The following CCDC175 variants were observed in gnomAD, a reference collection of about 807,000 sequenced individuals.
CCDC175 encodes the protein coiled-coil domain containing 175, also known as coiled-coil domain-containing protein 175.
CCDC175 carries 100 observed loss-of-function variants against 114.6 expected under a neutral mutation model. The ratio of observed to expected loss-of-function variants is 0.87; its 90% CI spans 0.74 to 1.03. The LOEUF is 1.03. CCDC175 is among the 50% of genes least tolerant of loss of function. CCDC175 has a pLI of 0.00. For synonymous variants in CCDC175, 306 were observed against 308.7 expected (o/e 0.99, Z 0.09); for missense variants, 880 against 917.8 (o/e 0.96, Z 0.53).
chr14:59,514,582 T>C (rs560134617), intron 17 of CCDC175, among the ~76,000 whole-genome samples: 6 of 152,138 alleles, frequency 3.9e-5, no homozygotes, highest in African/African-American at 1.4e-4. Flanking sequence ...GAAGATCAAA[T>C]GAATGAAATG....
chr14:59,538,295 G>T, intron 12 of CCDC175, 141 bp from the exon 13 acceptor site: 2 of 686,350 alleles, frequency 2.9e-6, no homozygotes, highest in Non-Finnish European at 2.3e-6. Flanking sequence ...ACCACTGAGA[G>T]GAATATTTTT....
In CCDC175 at chr14:59,563,847, CA is replaced by C; in HGVS notation, c.732del (p.Phe244LeufsTer7). On this transcript the variant is annotated frameshift_variant, in exon 6 of 20. Transcript: ENST00000537690. LOFTEE classifies it high-confidence loss of function. ...KQELTAQINE[F>X]ENTREVKRME... ...ATTCTCTTTACTTCACGGGTATTTTCAAATTCATTAATCTATAGTGACAAGC... is the reference window on the plus strand; with the variant it reads ...ATTCTCTTTACTTCACGGGTATTTTCAATTCATTAATCTATAGTGACAAGC... The C allele has an allele frequency of 7.0e-7, 1 of 1,433,620 alleles. No individual in the cohort carries two copies. Among genetic ancestry groups the C allele is most frequent in the African/African-American group, 1.5e-5 (1 of 67,702 alleles). 88.8% of individuals were successfully genotyped at this position (1,433,620 alleles called of 1,614,324 possible). A position where few individuals can be genotyped will look rare whatever the true frequency, so the allele number is the denominator to read the frequency against.
intron 19 of CCDC175, among the ~76,000 whole-genome samples, chr14:59,507,068 G>A (rs1892462820): frequency 6.6e-6 from 1 of 152,104 alleles, no homozygotes; most frequent in African/African-American, 2.4e-5. Flanking sequence ...ATTTACCTTT[G>A]ATTTACAAGA....
chr14:59,540,676 A>G lies in CCDC175; in HGVS notation c.1354T>C (p.Cys452Arg). The stretch of plus-strand genomic sequence containing the variant: ...TTTTTTTTTTTTTTTTTTTTTTACC[A>G]TCTCTGACTTTCTCTTTCCAGGTTA... ...SANLERESQR[C>R]VITQWKMACL... The change falls in exon 11 of 20, where the codon TGT becomes CGT. Residue 452 changes from cysteine (C) to arginine (R), a missense_variant and splice_region_variant. Cys to Arg is a radical substitution (Grantham distance 180, BLOSUM62 -3). Coordinates refer to ENST00000537690, the MANE Select transcript of CCDC175 (RefSeq NM_001164399.2). 1 of 1,159,094 alleles carries G rather than the reference A, an allele frequency of 8.6e-7. No individual in the cohort carries two copies. Among genetic ancestry groups the G allele is most frequent in the Non-Finnish European group, 1.1e-6 (1 of 875,796 alleles). 71.8% of individuals were successfully genotyped at this position (1,159,094 alleles called of 1,614,324 possible). A position where few individuals can be genotyped will look rare whatever the true frequency, so the allele number is the denominator to read the frequency against.
chr14:59,505,958 C>T (rs917537659), intron 19 of CCDC175, among the ~76,000 whole-genome samples: 4 of 152,082 alleles, frequency 2.6e-5, no homozygotes, highest in Non-Finnish European at 2.9e-5. Context: ...GTTCAGTATC[C>T]GTAATCCTAA....
intron 10 of CCDC175, among the ~76,000 whole-genome samples, chr14:59,542,264 A>G (rs1566616313): frequency 6.6e-6 from 1 of 152,160 alleles, no homozygotes. Flanking sequence ...ACTGTCATAC[A>G]TGGTTTATTT....
chr14:59,525,563 A>C, intron 15 of CCDC175, 129 bp from the exon 16 acceptor site: 1 of 625,022 alleles, frequency 1.6e-6, no homozygotes, highest in Non-Finnish European at 2.5e-6. Context: ...GAGGATAGAT[A>C]TTCTTCCTTA....
At position 59,568,388 on chromosome 14, in the gene CCDC175, G is replaced by C; in HGVS notation, c.356-8C>G. 3 of 1,498,292 alleles carry C rather than the reference G, an allele frequency of 2.0e-6. No individual in the cohort carries two copies. Among genetic ancestry groups the C allele is most frequent in the Non-Finnish European group, 2.6e-6 (3 of 1,133,328 alleles). The allele number at this position is 1,498,292 out of a possible 1,614,324, so 92.8% of individuals were successfully genotyped here. ...GAGCGTCTCGGACACATTCTTCAAA[G>C]TAAGTGGAAATATTACTACATTATT... On this transcript the variant is annotated splice_region_variant and splice_polypyrimidine_tract_variant and intron_variant, in intron 3 of 19. Transcript: ENST00000537690.
intron 16 of CCDC175, 121 bp downstream of exon 16, chr14:59,525,161 G>T: frequency 1.4e-6 from 1 of 732,396 alleles, no homozygotes; most frequent in Non-Finnish European, 2.0e-6. Flanking sequence ...ACTTTTCTGT[G>T]TGTACTTTAT....
intron 17 of CCDC175, among the ~76,000 whole-genome samples, chr14:59,515,844 G>A (rs550071699): frequency 1.3e-5 from 2 of 152,042 alleles, no homozygotes; most frequent in Admixed American, 6.6e-5. Flanking sequence ...AATTCTCCAC[G>A]CCAAATCAAC....
In CCDC175 at chr14:59,563,842, AT is replaced by A; in HGVS notation, c.737del (p.Asn246IlefsTer5). 7.0e-7 allele frequency: 1 copy of A among 1,437,428 alleles called. No individual in the cohort carries two copies. 89.0% of individuals were successfully genotyped at this position (1,437,428 alleles called of 1,614,324 possible). A position where few individuals can be genotyped will look rare whatever the true frequency, so the allele number is the denominator to read the frequency against. On this transcript the variant is annotated frameshift_variant, in exon 6 of 20. Coordinates refer to ENST00000537690, the MANE Select transcript of CCDC175 (RefSeq NM_001164399.2). LOFTEE classifies it high-confidence loss of function. Reference protein sequence around the residue: ...ELTAQINEFENTREVKRMETY... With the variant: ...ELTAQINEFEXTREVKRMETY... ...TCTCCATTCTCTTTACTTCACGGGT[AT>A]TTTCAAATTCATTAATCTATAGTGA... is the stretch of plus-strand genomic sequence containing the variant.
chr14:59,560,865 T>C (rs1465904881), intron 7 of CCDC175, among the ~76,000 whole-genome samples: 1 of 152,170 alleles, frequency 6.6e-6, no homozygotes, highest in Non-Finnish European at 1.5e-5. Flanking sequence ...GAGAATAATA[T>C]AGACATTCCA....
At chr14:59,514,376 G>T (rs1411125545) in intron 17 of CCDC175, among the ~76,000 whole-genome samples, 2 of 152,138 alleles carry the variant, frequency 1.3e-5, no homozygotes, top group Non-Finnish European at 2.9e-5. Flanking sequence ...CAGAGCTAAA[G>T]GTGGAAGTTC....
chr14:59,565,655 C>T (rs563276036), intron 4 of CCDC175, among the ~76,000 whole-genome samples: 95 of 151,728 alleles, frequency 6.3e-4, no homozygotes, highest in African/African-American at 2.2e-3. Flanking sequence ...TGCAGTGAGC[C>T]GAGATCATGC....
Position 59,510,726 on chromosome 14 carries a change from T to A in CCDC175, c.2225A>T (p.Gln742Leu), listed in dbSNP as rs1369977132. Residue 742 changes from glutamine to leucine, a missense_variant, in exon 19 of 20, where the codon CAG becomes CTG. Coordinates refer to ENST00000537690, the MANE Select transcript of CCDC175 (RefSeq NM_001164399.2). ...CCCTCGTAGCCATGTACTGACATGC[T>A]GCATTTTTTCATCTCTTTCACGCAG... ...DKLRERDEKM[Q>L]HVSTWLRGSL... 1 of 1,537,228 alleles carries A rather than the reference T, an allele frequency of 6.5e-7. No homozygotes were observed.
intron 19 of CCDC175, among the ~76,000 whole-genome samples, chr14:59,508,388 C>T (rs1892547833): frequency 3.7e-5 from 2 of 54,094 alleles, no homozygotes; most frequent in South Asian, 7.6e-4. Context: ...GGCATAACCT[C>T]GTCTCCAAAA....
At chr14:59,535,112 A>G (rs1894314839) in intron 13 of CCDC175, among the ~76,000 whole-genome samples, 1 of 152,202 alleles carries the variant, frequency 6.6e-6, no homozygotes. Context: ...AAATGGGATT[A>G]CAATGTGCCT....
intron 5 of CCDC175, 72 bp from the exon 6 acceptor site, chr14:59,563,931 AACAGTGTC>A: frequency 1.0e-6 from 1 of 982,256 alleles, no homozygotes; most frequent in South Asian, 2.9e-5. Context: ...ATCTTTTAAA[AACAGTGTC>A]AACCTAATTC....
Position 59,565,092 on chromosome 14 carries a change from T to G in CCDC175, c.675A>C (p.Lys225Asn). 2.0e-6 allele frequency: 3 copies of G among 1,537,488 alleles called. No individual in the cohort carries two copies. Among genetic ancestry groups the G allele is most frequent in the East Asian group, 2.4e-5 (1 of 40,920 alleles). The change falls in exon 5 of 20, where the codon AAA (lysine) becomes AAC (asparagine). Residue 225 changes from lysine to asparagine, a missense_variant. Coordinates refer to ENST00000537690, the MANE Select transcript of CCDC175 (RefSeq NM_001164399.2). ...TTCTTATTAGATATTCTGCCCTTTC[T>G]TTTTCCATTAGCTCCTCTGCCTCTT... ...CIQEAEELME[K>N]ERAEYLIRKQ...
Sources: allele counts gnomAD v4.1 joint callset (sites outside exome capture counted in the v4.1 genomes callset), GRCh38; gene constraint gnomAD v4.1.1; transcripts MANE v1.5; gene names NCBI Gene and HGNC (gene_info 2026-07-23, HGNC 2026-07-21).